The following MYO5A variants were observed in gnomAD, a reference collection of about 807,000 sequenced individuals.
MYO5A encodes the protein myosin VA.
In MYO5A, 98 loss-of-function variants were observed where a neutral mutation model predicts 249.7. That is an observed-to-expected ratio of 0.39 (90% confidence interval 0.33 to 0.46). The LOEUF (loss-of-function observed/expected upper bound fraction) is 0.46. Among genes scored for constraint, MYO5A ranks in the 20% least tolerant of loss-of-function variants. The pLI is 0.98. For synonymous variants in MYO5A, 778 were observed against 810.6 expected, an observed-to-expected ratio of 0.96 and a Z score of 0.68; for missense variants, 1,696 against 2,308.8, an observed-to-expected ratio of 0.73 and a Z score of 5.44.
At chr15:52,497,468 A>C (rs1225208262) in intron 1 of MYO5A, among the ~76,000 whole-genome samples, 1 of 151,484 alleles carries the variant, frequency 6.6e-6, no homozygotes, top group East Asian at 1.9e-4. Context: ...ATTTAAAAGA[A>C]GAAATTGGCT....
At chr15:52,373,040 C>T (rs2041212548) in intron 20 of MYO5A, among the ~76,000 whole-genome samples, 1 of 151,728 alleles carries the variant, frequency 6.6e-6, no homozygotes, top group East Asian at 1.9e-4. Flanking sequence ...TTTTCCATTG[C>T]TATTTCAAAT....
intron 38 of MYO5A, among the ~76,000 whole-genome samples, chr15:52,320,138 G>A (rs1021003932): frequency 2.0e-5 from 3 of 152,150 alleles, no homozygotes; most frequent in African/African-American, 7.2e-5. Flanking sequence ...GTGGGCCCTT[G>A]GGCTGACCTC....
chr15:52,409,586 C>T (rs2043155116), intron 6 of MYO5A, among the ~76,000 whole-genome samples: 1 of 152,128 alleles, frequency 6.6e-6, no homozygotes, highest in South Asian at 2.1e-4. Flanking sequence ...ATTGTGGACA[C>T]TGTTACATGG....
intron 12 of MYO5A, among the ~76,000 whole-genome samples, chr15:52,391,627 A>T (rs2042241576): frequency 6.6e-6 from 1 of 152,220 alleles, no homozygotes; most frequent in African/African-American, 2.4e-5. Context: ...ATTTCTTTAA[A>T]TTCTATCGCT....
intron 1 of MYO5A, among the ~76,000 whole-genome samples, chr15:52,499,957 G>GATCC (rs1455841235): frequency 6.6e-6 from 1 of 152,110 alleles, no homozygotes; most frequent in East Asian, 1.9e-4. Context: ...ACAAGGCAGG[G>GATCC]GGATCGCTTG....
At chr15:52,382,432 A>G (rs2041793787) in intron 16 of MYO5A, among the ~76,000 whole-genome samples, 1 of 152,008 alleles carries the variant, frequency 6.6e-6, no homozygotes, top group Admixed American at 6.6e-5. Flanking sequence ...TTAGTTGGGC[A>G]TGATGGTGCA....
Position 52,307,975 on chromosome 15 carries a change from G to C in MYO5A, c.*5721C>G, listed in dbSNP as rs1231057576. 4 of 152,132 alleles carry C rather than the reference G, an allele frequency of 2.6e-5. No homozygotes were observed. Among genetic ancestry groups the C allele is most frequent in the Non-Finnish European group, 4.4e-5 (3 of 68,008 alleles). 9.4% of individuals were successfully genotyped at this position (152,132 alleles called of 1,614,324 possible). Reference sequence around the variant, plus strand: ...GTTGGGAAAAAATAATGGCTCAAATGATTTACGGAGCCTGAAATGTGGGCT... The same window carrying C: ...GTTGGGAAAAAATAATGGCTCAAATCATTTACGGAGCCTGAAATGTGGGCT... On this transcript the variant is annotated 3_prime_UTR_variant, in exon 42 of 42. Transcript: ENST00000399233.
At position 52,309,947 on chromosome 15, in the gene MYO5A, A is replaced by C. The variant is rs1223927935; in HGVS notation, c.*3749T>G. The C allele has an allele frequency of 1.3e-5, 2 of 152,116 alleles. No individual in the cohort carries two copies. Among genetic ancestry groups the C allele is most frequent in the African/African-American group, 4.8e-5 (2 of 41,428 alleles). The allele number at this position is 152,116 out of a possible 1,614,324, so 9.4% of individuals were successfully genotyped here. On this transcript the variant is annotated 3_prime_UTR_variant, in exon 42 of 42. Transcript: ENST00000399233. ...CCCATTTTCCTAGGGTTACCATGAA[A>C]GTTATTTCTCACAACAATCACTGCA...
In MYO5A at chr15:52,341,944, GAGCTAT is replaced by G. The variant is rs753931903; in HGVS notation, c.4040+1167_4040+1172del. On this transcript the variant is annotated intron_variant, in intron 31 of 41. Coordinates refer to ENST00000399233, the MANE Select transcript of MYO5A (RefSeq NM_001382347.1). The stretch of plus-strand genomic sequence containing the variant: ...CGGGTTGAATTTGGGTAATTATTCT[GAGCTAT>G]AGCAATGCAGAAAACTCTCCTGATT... 6.6e-5 allele frequency among the ~76,000 whole-genome samples: 10 copies of G among 152,266 alleles called. No individual in the cohort carries two copies. In the South Asian group the frequency reaches 2.1e-3, roughly 32 times the overall value.
At chr15:52,508,891 A>C (rs10851519) in intron 1 of MYO5A, among the ~76,000 whole-genome samples, 142,015 of 152,152 alleles carry the variant, frequency 0.93, 67,070 homozygotes, top group South Asian at 1. Flanking sequence ...ACCAAAAAAA[A>C]CGTAAGCCGT....
chr15:52,465,282 C>T (rs567550862), intron 1 of MYO5A, among the ~76,000 whole-genome samples: 24 of 152,322 alleles, frequency 1.6e-4, no homozygotes, highest in African/African-American at 4.8e-4. Context: ...TTCTTATTAA[C>T]TCCTCCCATG....
chr15:52,404,763 A>T (rs2042923242), intron 9 of MYO5A, among the ~76,000 whole-genome samples: 1 of 152,150 alleles, frequency 6.6e-6, no homozygotes, highest in Non-Finnish European at 1.5e-5. Context: ...CAGGAGAGAG[A>T]AACAGCCTGG....
intron 37 of MYO5A, among the ~76,000 whole-genome samples, chr15:52,322,472 C>T (rs1356026645): frequency 1.3e-5 from 2 of 152,212 alleles, no homozygotes; most frequent in Non-Finnish European, 2.9e-5. Context: ...CTCCTTGTGG[C>T]CAAGAGAACT....
At chr15:52,472,271 G>C (rs961129094) in intron 1 of MYO5A, among the ~76,000 whole-genome samples, 2 of 152,060 alleles carry the variant, frequency 1.3e-5, no homozygotes, top group African/African-American at 2.4e-5. Flanking sequence ...AGTAGAGACA[G>C]GGTTTCACCG....
At chr15:52,392,818 T>G (rs989118715) in intron 11 of MYO5A, among the ~76,000 whole-genome samples, 4 of 152,248 alleles carry the variant, frequency 2.6e-5, no homozygotes, top group African/African-American at 9.6e-5. Context: ...TGGAGACAAG[T>G]GGAAGAAGCG....
At chr15:52,506,225 C>G (rs1166144539) in intron 1 of MYO5A, among the ~76,000 whole-genome samples, 1 of 152,104 alleles carries the variant, frequency 6.6e-6, no homozygotes, top group Non-Finnish European at 1.5e-5. Context: ...GTGGCAGGCA[C>G]CTGTAGTCCC....
chr15:52,379,542 G>A (rs2141120440), intron 18 of MYO5A, 83 bp downstream of exon 18: 1 of 1,189,302 alleles, frequency 8.4e-7, no homozygotes, highest in Non-Finnish European at 1.3e-6. Flanking sequence ...CTAGTAAAAT[G>A]TTATACAAAA....
At position 52,346,438 on chromosome 15, in the gene MYO5A, T is replaced by C; in HGVS notation, c.3882A>G (p.Ile1294Met). The change falls in exon 30 of 42, where the codon ATA (isoleucine) becomes ATG (methionine). Residue 1294 changes from isoleucine (I) to methionine (M), a missense_variant. This residue lies in a region of MYO5A where 625 missense variants were observed against 908.1 expected (regional missense o/e 0.69). Coordinates refer to ENST00000399233, the MANE Select transcript of MYO5A (RefSeq NM_001382347.1). ...DDKNTMTDST[I>M]LLEDVQKMKD... ...TCATTTTTTGTACATCTTCCAAAAGTATTGTGGAATCTGTCATTGTATTCT... is the reference window on the plus strand; with the variant it reads ...TCATTTTTTGTACATCTTCCAAAAGCATTGTGGAATCTGTCATTGTATTCT... 1 of 1,598,766 alleles carries C rather than the reference T, an allele frequency of 6.3e-7. No individual in the cohort carries two copies. Among genetic ancestry groups the C allele is most frequent in the South Asian group, 1.1e-5 (1 of 90,612 alleles).
chr15:52,420,344 C>T (rs2043728640), intron 4 of MYO5A, among the ~76,000 whole-genome samples: 1 of 150,852 alleles, frequency 6.6e-6, no homozygotes, highest in South Asian at 2.1e-4. Context: ...CGTGAGGGCT[C>T]TGCCCTCATG....
Sources: allele counts gnomAD v4.1 joint callset (sites outside exome capture counted in the v4.1 genomes callset), GRCh38; gene constraint gnomAD v4.1.1; regional missense constraint gnomAD v4.1.1; transcripts MANE v1.5; gene names NCBI Gene and HGNC (gene_info 2026-07-23, HGNC 2026-07-21).